SCMH1: variants seen among roughly 807,000 people sequenced by gnomAD.
SCMH1 encodes the protein Scm polycomb group protein homolog 1, also known as polycomb protein SCMH1.
A neutral mutation model predicts 70.8 loss-of-function variants in SCMH1; 37 were observed. That is an observed-to-expected ratio of 0.52 (90% CI 0.40 to 0.69). The LOEUF (loss-of-function observed/expected upper bound fraction) is 0.69. Among genes scored for constraint, SCMH1 ranks in the 30% least tolerant of loss-of-function variants. The pLI is 0.00. For missense variants in SCMH1, 607 were observed against 827.3 expected, an observed-to-expected ratio of 0.73 and a Z score of 3.27; for synonymous variants, 292 against 307.4, an observed-to-expected ratio of 0.95 and a Z score of 0.52.
intron 1 of SCMH1, among the ~76,000 whole-genome samples, chr1:41,209,463 A>G (rs1285094628): frequency 6.6e-6 from 1 of 152,212 alleles, no homozygotes; most frequent in Non-Finnish European, 1.5e-5. Context: ...TGCAAAAACC[A>G]TCAATAAAAT....
intron 11 of SCMH1, among the ~76,000 whole-genome samples, chr1:41,047,235 GAGA>G (rs1286412252): frequency 6.6e-6 from 1 of 152,096 alleles, no homozygotes; most frequent in Non-Finnish European, 1.5e-5. Context: ...TTTGAGGCAG[GAGA>G]AGAACCCCAG....
chr1:41,074,063 G>C (rs1221973308), intron 9 of SCMH1, among the ~76,000 whole-genome samples: 1 of 149,746 alleles, frequency 6.7e-6, no homozygotes, highest in Non-Finnish European at 1.5e-5. Context: ...AGAAGCTGCT[G>C]ACAGAAGTCT....
At chr1:41,028,790 C>T (rs1221161562) in intron 13 of SCMH1, 64 bp from the exon 15 acceptor site, 10 of 1,570,404 alleles carry the variant, frequency 6.4e-6, no homozygotes, top group African/African-American at 1.3e-5. Context: ...CCACCACTCT[C>T]CTTGGCACAT....
chr1:41,108,093 T>C (rs1294962177), intron 8 of SCMH1, among the ~76,000 whole-genome samples: 1 of 151,958 alleles, frequency 6.6e-6, no homozygotes, highest in Admixed American at 6.6e-5. Flanking sequence ...GTAGAAAGGG[T>C]AGACTGAGAG....
At chr1:41,029,817 GTATT>G (rs1179572460) in intron 13 of SCMH1, among the ~76,000 whole-genome samples, 1 of 152,196 alleles carries the variant, frequency 6.6e-6, no homozygotes, top group East Asian at 1.9e-4. Context: ...GTCTCACAAA[GTATT>G]TAGTATATTC....
Position 41,167,094 on chromosome 1 carries a change from A to G in SCMH1, c.14-5662T>C, listed in dbSNP as rs116334734. 2.4e-3 allele frequency among the ~76,000 whole-genome samples: 364 copies of G among 152,302 alleles called. 2 individuals carry two copies. Among genetic ancestry groups the G allele is most frequent in the African/African-American group, 8.1e-3 (337 of 41,584 alleles). ...TCAAATGCATTTTCTCCATCTATTT[A>G]GATGATCATGTGATTTTTGTCCTTT... On this transcript the variant is annotated intron_variant, in intron 2 of 14. Transcript: ENST00000337495.
intron 5 of SCMH1, among the ~76,000 whole-genome samples, chr1:41,146,431 C>T (rs183334): frequency 1.3e-4 from 20 of 151,936 alleles, no homozygotes; most frequent in Non-Finnish European, 2.4e-4. Flanking sequence ...GACAGTGGTA[C>T]GCAGTTCACC....
chr1:41,040,727 G>A (rs935660099), intron 12 of SCMH1, among the ~76,000 whole-genome samples: 2 of 152,066 alleles, frequency 1.3e-5, no homozygotes, highest in African/African-American at 4.8e-5. Context: ...AGCCGGGCGT[G>A]GTGGTGCATG....
At chr1:41,059,368 G>A (rs182833240) in intron 10 of SCMH1, among the ~76,000 whole-genome samples, 65 of 152,298 alleles carry the variant, frequency 4.3e-4, no homozygotes, top group African/African-American at 1.5e-3. Context: ...GAGCAGAAGA[G>A]TGGCAGAATG....
intron 1 of SCMH1, among the ~76,000 whole-genome samples, chr1:41,195,012 T>C (rs1652660232): frequency 2.0e-5 from 3 of 151,396 alleles, no homozygotes. Context: ...ATGCCTGTAA[T>C]CCCACCTACC....
rs1573026247 is a variant in SCMH1 at position 41,202,692 on chromosome 1, T to C, written c.-117-16442A>G. Among the ~76,000 whole-genome samples, 5 of 152,216 alleles carry C rather than the reference T, an allele frequency of 3.3e-5. No homozygotes were observed. The South Asian group carries it at 1.0e-3, about 32-fold the overall frequency. On this transcript the variant is annotated intron_variant, in intron 1 of 14. Coordinates refer to ENST00000337495, the Ensembl canonical transcript of SCMH1. ...GGCAGACTCACTAAGAGCACTGATT[T>C]TCAGCAAGGGAATAGGAGGTAGGAG...
At chr1:41,218,917 C>A (rs577429346) in intron 1 of SCMH1, among the ~76,000 whole-genome samples, 1 of 152,122 alleles carries the variant, frequency 6.6e-6, no homozygotes, top group Non-Finnish European at 1.5e-5. Context: ...ATATAAATAT[C>A]TTTGTTATTC....
At chr1:41,197,116 C>T (rs879787573) in intron 1 of SCMH1, among the ~76,000 whole-genome samples, 24 of 152,100 alleles carry the variant, frequency 1.6e-4, no homozygotes, top group African/African-American at 5.1e-4. Context: ...AATGGTATAG[C>T]TGCTGTGGAA....
intron 8 of SCMH1, among the ~76,000 whole-genome samples, chr1:41,105,363 G>T (rs574132438): frequency 6.6e-6 from 1 of 152,224 alleles, no homozygotes; most frequent in South Asian, 2.1e-4. Flanking sequence ...TTTAGATGAG[G>T]ATCAACAGAA....
intron 1 of SCMH1, among the ~76,000 whole-genome samples, chr1:41,216,899 A>T (rs2148825934): frequency 6.6e-6 from 1 of 152,266 alleles, no homozygotes; most frequent in Non-Finnish European, 1.5e-5. Flanking sequence ...GAAGTCCAAA[A>T]TCAAGGTGTT....
In SCMH1 at chr1:41,147,427, C is replaced by T. The variant is rs370769802; in HGVS notation, c.177+4187G>A. ...TAGAGTTTAGGATTTAGAAAGTTCC[C>T]TTCTATTTCTAGTTTGGTGAGAGTT... is the stretch of plus-strand genomic sequence containing the variant. On this transcript the variant is annotated intron_variant, in intron 5 of 14. Coordinates refer to ENST00000337495, the Ensembl canonical transcript of SCMH1. 1.2e-3 allele frequency among the ~76,000 whole-genome samples: 177 copies of T among 152,156 alleles called. 7 individuals are homozygous for T. In the South Asian group the frequency reaches 0.036, roughly 31 times the overall value.
Position 41,208,451 on chromosome 1 carries a change from A to AT in SCMH1, c.-117-22202_-117-22201insA, listed in dbSNP as rs1557828715. Among the ~76,000 whole-genome samples the AT allele has an allele frequency of 3.3e-5, 5 of 150,414 alleles. No individual in the cohort carries two copies. In the South Asian group the frequency reaches 6.3e-4, roughly 19 times the overall value. On this transcript the variant is annotated intron_variant, in intron 1 of 14. Transcript: ENST00000337495. The stretch of plus-strand genomic sequence containing the variant: ...GAAAAAAATTAAAAAAAAAAAATAA[A>AT]AAATAAAAGTGACCACATATTTGGA...
At chr1:41,197,150 G>C (rs573639268) in intron 1 of SCMH1, among the ~76,000 whole-genome samples, 1 of 152,158 alleles carries the variant, frequency 6.6e-6, no homozygotes, top group South Asian at 2.1e-4. Flanking sequence ...TCTTCAAAAA[G>C]TCAAATGTGG....
intron 8 of SCMH1, among the ~76,000 whole-genome samples, chr1:41,101,946 G>A (rs1401411463): frequency 1.3e-5 from 2 of 152,156 alleles, no homozygotes; most frequent in Non-Finnish European, 2.9e-5. Context: ...AAACACTAGT[G>A]TATACCTGAA....
Sources: gnomAD v4.1 joint callset for allele counts (sites outside exome capture counted in the v4.1 genomes callset) on GRCh38, gnomAD v4.1.1 for gene constraint, MANE v1.5 for transcripts, NCBI Gene and HGNC (gene_info 2026-07-23, HGNC 2026-07-21) for gene names.